TAFA2: variants seen among roughly 807,000 people sequenced by gnomAD.
The protein encoded by TAFA2 is chemokine-like protein TAFA-2.
TAFA2 carries 7 observed loss-of-function variants against 18.8 expected under a neutral mutation model. That is an observed-to-expected ratio of 0.37 (90% confidence interval 0.21 to 0.70). The LOEUF is 0.70. TAFA2 is among the 30% of genes least tolerant of loss of function. TAFA2 has a pLI of 0.53. For missense variants in TAFA2, 122 were observed against 158.1 expected (o/e 0.77, Z 1.23); for synonymous variants, 60 against 54.2 (o/e 1.11, Z -0.47).
intron 1 of TAFA2, among the ~76,000 whole-genome samples, chr12:62,238,047 A>G (rs1169233741): frequency 1.3e-5 from 2 of 152,178 alleles, no homozygotes; most frequent in Non-Finnish European, 2.9e-5. Context: ...TTCTCCCTAT[A>G]GGCATTTGCA....
At chr12:61,760,011 T>C (rs1174444239) in intron 2 of TAFA2, among the ~76,000 whole-genome samples, 1 of 150,614 alleles carries the variant, frequency 6.6e-6, no homozygotes, top group Non-Finnish European at 1.5e-5. Context: ...AGGAGATTAA[T>C]AGTAAAGTTG....
At chr12:61,985,977 G>GC (rs1258927798) in intron 1 of TAFA2, among the ~76,000 whole-genome samples, 3 of 151,992 alleles carry the variant, frequency 2.0e-5, no homozygotes, top group African/African-American at 7.3e-5. Context: ...AGCTACCTCA[G>GC]CCCACAACCA....
intron 1 of TAFA2, among the ~76,000 whole-genome samples, chr12:61,951,650 G>C (rs1284651317): frequency 2.6e-5 from 4 of 152,052 alleles, no homozygotes; most frequent in African/African-American, 9.7e-5. Flanking sequence ...AAAAGGAAAA[G>C]TAAAGATGGC....
At position 61,878,237 on chromosome 12, in the gene TAFA2, T is replaced by G. The variant is rs867337947; in HGVS notation, c.-1-10811A>C. The G allele has an allele frequency of 8.4e-6, 3 of 355,252 alleles. No individual in the cohort carries two copies. The Admixed American group carries it at 1.1e-4, about 13-fold the overall frequency. 22.0% of individuals were successfully genotyped at this position (355,252 alleles called of 1,614,324 possible). A position where few individuals can be genotyped will look rare whatever the true frequency, so the allele number is the denominator to read the frequency against. ...GAGTTCTGGAATAGATAAGTGGTAA[T>G]GTACAACATTGTGAATGTACTTAAT... On this transcript the variant is annotated intron_variant, in intron 1 of 4. Coordinates refer to ENST00000416284, the MANE Select transcript of TAFA2 (RefSeq NM_178539.5).
At chr12:61,892,864 A>T (rs1875694834) in intron 1 of TAFA2, among the ~76,000 whole-genome samples, 2 of 152,226 alleles carry the variant, frequency 1.3e-5, no homozygotes, top group Non-Finnish European at 2.9e-5. Context: ...ATGTCCTAAT[A>T]GTTTATAGAG....
intron 1 of TAFA2, among the ~76,000 whole-genome samples, chr12:61,884,951 A>C (rs1314393063): frequency 1.3e-5 from 2 of 152,226 alleles, no homozygotes; most frequent in African/African-American, 4.8e-5. Flanking sequence ...AAATTCAGCC[A>C]AATTTCTTAA....
At chr12:61,793,956 CT>C (rs1269861337) in intron 2 of TAFA2, among the ~76,000 whole-genome samples, 1 of 151,870 alleles carries the variant, frequency 6.6e-6, no homozygotes, top group East Asian at 1.9e-4. Context: ...ATCTAATGAG[CT>C]GAATAAATTC....
intron 1 of TAFA2, chr12:62,253,562 G>A (rs2062924715): frequency 6.6e-6 from 1 of 152,144 alleles, no homozygotes; most frequent in Non-Finnish European, 1.5e-5. Context: ...TCATTTCCTT[G>A]TTCCTTCTAA....
chr12:61,843,281 C>A (rs1030755513), intron 2 of TAFA2, among the ~76,000 whole-genome samples: 1 of 151,968 alleles, frequency 6.6e-6, no homozygotes, highest in African/African-American at 2.4e-5. Flanking sequence ...AACGGCTCTG[C>A]CACACTCTGT....
At chr12:61,977,992 T>C (rs1401690961) in intron 1 of TAFA2, among the ~76,000 whole-genome samples, 1 of 152,038 alleles carries the variant, frequency 6.6e-6, no homozygotes, top group East Asian at 1.9e-4. Context: ...ATTCCTTTTA[T>C]AAAAATAATG....
intron 1 of TAFA2, among the ~76,000 whole-genome samples, chr12:62,047,573 T>C (rs1021551329): frequency 6.6e-6 from 1 of 152,202 alleles, no homozygotes; most frequent in Non-Finnish European, 1.5e-5. Context: ...ACTAATTTAA[T>C]TTCCAATGTA....
At chr12:61,896,583 A>G (rs986952474) in intron 1 of TAFA2, among the ~76,000 whole-genome samples, 14 of 152,196 alleles carry the variant, frequency 9.2e-5, no homozygotes, top group Non-Finnish European at 5.9e-5. Flanking sequence ...TTTAGGTTAT[A>G]AGGATTTCAA....
At chr12:61,974,020 T>G (rs1555180288) in intron 1 of TAFA2, among the ~76,000 whole-genome samples, 8 of 151,766 alleles carry the variant, frequency 5.3e-5, no homozygotes, top group Non-Finnish European at 1.0e-4. Context: ...GGAATGTGTA[T>G]TATGTTATGT....
chr12:61,947,596 G>A (rs1351144465), intron 1 of TAFA2, among the ~76,000 whole-genome samples: 5 of 149,746 alleles, frequency 3.3e-5, no homozygotes, highest in Non-Finnish European at 5.9e-5. Flanking sequence ...CTCTTCATTC[G>A]GTCAGTTTGT....
intron 1 of TAFA2, among the ~76,000 whole-genome samples, chr12:62,010,271 C>G (rs370408627): frequency 6.6e-6 from 1 of 151,632 alleles, no homozygotes; most frequent in African/African-American, 2.4e-5. Flanking sequence ...CCCGGGCTCC[C>G]GTGGTTCTCC....
At position 62,108,509 on chromosome 12, in the gene TAFA2, G is replaced by C. The variant is rs140067588; in HGVS notation, c.-2+82750C>G. On this transcript the variant is annotated intron_variant, in intron 1 of 4. Transcript: ENST00000416284. ...TCCTTTGGGTACATACCCAGTAAGG[G>C]GATTGCTGGGTCAAATGGTATTTCT... Among the ~76,000 whole-genome samples, 295 of 152,232 alleles carry C rather than the reference G, an allele frequency of 1.9e-3. 1 individual carries two copies. The highest frequency in any genetic ancestry group is 6.5e-3 in the African/African-American group (270 of 41,526).
chr12:62,113,981 C>T (rs1232854354), intron 1 of TAFA2, among the ~76,000 whole-genome samples: 1 of 152,164 alleles, frequency 6.6e-6, no homozygotes, highest in African/African-American at 2.4e-5. Context: ...GGCTTACGCC[C>T]CTTTCCAAGG....
At chr12:62,112,871 A>G (rs936195121) in intron 1 of TAFA2, among the ~76,000 whole-genome samples, 2 of 152,118 alleles carry the variant, frequency 1.3e-5, no homozygotes. Flanking sequence ...TATTCTAGTT[A>G]GCAGTTTCTC....
intron 2 of TAFA2, among the ~76,000 whole-genome samples, chr12:61,855,479 A>G (rs1008240005): frequency 2.6e-5 from 4 of 152,140 alleles, no homozygotes; most frequent in African/African-American, 9.7e-5. Context: ...TCAAATTTTG[A>G]TCCAGAACAA....
Sources: allele counts gnomAD v4.1 joint callset (sites outside exome capture counted in the v4.1 genomes callset), GRCh38; gene constraint gnomAD v4.1.1; transcripts MANE v1.5; gene names NCBI Gene and HGNC (gene_info 2026-07-23, HGNC 2026-07-21).